The following ABHD3 variants were observed in gnomAD, a reference collection of about 807,000 sequenced individuals.
ABHD3 encodes abhydrolase domain containing 3, phospholipase.
In ABHD3, 46 loss-of-function variants were observed where a neutral mutation model predicts 48.8. The ratio of observed to expected loss-of-function variants is 0.94; its 90% CI spans 0.74 to 1.20. The LOEUF (loss-of-function observed/expected upper bound fraction) is 1.20. Ranked by LOEUF, ABHD3 falls within the 50% of genes most tolerant of loss-of-function variation. The probability of loss-of-function intolerance (pLI) is 0.00; values close to 1 mark genes in which losing one functional copy is unlikely to be tolerated. For missense variants in ABHD3, 490 were observed against 497.8 expected (o/e 0.98, Z 0.15); for synonymous variants, 192 against 183.7 (o/e 1.04, Z -0.36).
intron 3 of ABHD3, among the ~76,000 whole-genome samples, chr18:21,692,064 C>A (rs542254912): frequency 3.7e-4 from 57 of 152,250 alleles, no homozygotes; most frequent in African/African-American, 1.3e-3. Context: ...GTTCTTTTGC[C>A]TTAGCCTCCC....
Position 21,651,185 on chromosome 18 carries a change from T to C in ABHD3, c.*406A>G, listed in dbSNP as rs1435585315. On this transcript the variant is annotated 3_prime_UTR_variant, in exon 9 of 9. Transcript: ENST00000289119. The stretch of plus-strand genomic sequence containing the variant: ...GGAATGTACCACCTTATAACTTACA[T>C]TGAAATAGCCAATATTTCTTAGTAG... 2 of 155,220 alleles carry C rather than the reference T, an allele frequency of 1.3e-5. No homozygotes were observed. Among genetic ancestry groups the C allele is most frequent in the South Asian group, 2.0e-4 (1 of 5,088 alleles). The allele number at this position is 155,220 out of a possible 1,614,324, so 9.6% of individuals were successfully genotyped here.
intron 6 of ABHD3, among the ~76,000 whole-genome samples, chr18:21,658,969 G>A (rs2039419165): frequency 6.6e-6 from 1 of 151,786 alleles, no homozygotes; most frequent in African/African-American, 2.4e-5. Flanking sequence ...CTCCTAAGTA[G>A]CTGGGACTAC....
chr18:21,700,454 A>G (rs2040482125), intron 3 of ABHD3, among the ~76,000 whole-genome samples: 1 of 150,458 alleles, frequency 6.6e-6, no homozygotes, highest in Non-Finnish European at 1.5e-5. Flanking sequence ...GCTGGAGTGC[A>G]ATGGCACAAT....
At position 21,704,747 on chromosome 18, in the gene ABHD3, G is replaced by GGGCGAGAGCGGGCGAGAGCGGGCGAGA. The variant is rs2040603214; in HGVS notation, c.-83_-82insTCTCGCCCGCTCTCGCCCGCTCTCGCC. On this transcript the variant is annotated 5_prime_UTR_variant, in exon 1 of 9. Transcript: ENST00000289119. Reference sequence around the variant, plus strand: ...GGCGAGAGCGGGCGAGAGCGGACGCGGCGCCGCTGCCTACTCCCGACCACA... The same window carrying GGGCGAGAGCGGGCGAGAGCGGGCGAGA: ...GGCGAGAGCGGGCGAGAGCGGACGCGGGCGAGAGCGGGCGAGAGCGGGCGAGAGCGCCGCTGCCTACTCCCGACCACA... 5.2e-5 allele frequency: 66 copies of GGGCGAGAGCGGGCGAGAGCGGGCGAGA among 1,265,110 alleles called. No individual in the cohort carries two copies. In the African/African-American group the frequency reaches 8.3e-4, roughly 16 times the overall value. 78.4% of individuals were successfully genotyped at this position (1,265,110 alleles called of 1,614,324 possible).
chr18:21,677,944 T>C (rs939801433), intron 4 of ABHD3, among the ~76,000 whole-genome samples: 1 of 152,020 alleles, frequency 6.6e-6, no homozygotes, highest in African/African-American at 2.4e-5. Context: ...ATTACAGGTA[T>C]GAGCCACCGT....
chr18:21,686,221 A>C (rs2040126115), intron 3 of ABHD3, among the ~76,000 whole-genome samples: 1 of 152,238 alleles, frequency 6.6e-6, no homozygotes. Context: ...TTTCTTGCTA[A>C]AAACAATGGC....
At chr18:21,675,503 G>A (rs954653765) in intron 4 of ABHD3, among the ~76,000 whole-genome samples, 3 of 151,832 alleles carry the variant, frequency 2.0e-5, no homozygotes, top group Admixed American at 1.3e-4. Flanking sequence ...TCCTGACCTC[G>A]TGATCCACCC....
chr18:21,694,339 C>A (rs1334071031), intron 3 of ABHD3, among the ~76,000 whole-genome samples: 1 of 152,130 alleles, frequency 6.6e-6, no homozygotes, highest in South Asian at 2.1e-4. Flanking sequence ...TCAAGCGATC[C>A]GCCGGCCTTG....
At chr18:21,690,484 C>G (rs919213729) in intron 3 of ABHD3, among the ~76,000 whole-genome samples, 5 of 151,390 alleles carry the variant, frequency 3.3e-5, no homozygotes, top group African/African-American at 4.9e-5. Flanking sequence ...TGCCTGTAAT[C>G]CCAGGTACTC....
At chr18:21,676,531 C>T (rs2039885497) in intron 4 of ABHD3, among the ~76,000 whole-genome samples, 2 of 152,212 alleles carry the variant, frequency 1.3e-5, no homozygotes, top group South Asian at 4.1e-4. Context: ...ACTGGGATTA[C>T]AGGCATGCGC....
At position 21,685,734 on chromosome 18, in the gene ABHD3, A is replaced by G. The variant is rs117858092; in HGVS notation, c.510-1769T>C. 7.1e-3 allele frequency among the ~76,000 whole-genome samples: 1,080 copies of G among 151,896 alleles called. 85 individuals carry two copies. In the East Asian group the frequency reaches 0.17, roughly 24 times the overall value. On this transcript the variant is annotated intron_variant, in intron 3 of 8. Coordinates refer to ENST00000289119, the MANE Select transcript of ABHD3 (RefSeq NM_138340.5). ...TTTTTTTGAGACAGAGTCTCGCTCT[A>G]TCACCCACACTGGAGTGCAGTGACA...
At chr18:21,698,998 A>C (rs548477655) in intron 3 of ABHD3, among the ~76,000 whole-genome samples, 1 of 151,026 alleles carries the variant, frequency 6.6e-6, no homozygotes, top group African/African-American at 2.4e-5. Flanking sequence ...TAGTGGCACG[A>C]TCTCAGCTCA....
chr18:21,663,594 G>T, intron 5 of ABHD3: 1 of 1,354,446 alleles, frequency 7.4e-7, no homozygotes, highest in East Asian at 2.5e-5. Context: ...GGAGTAGGGG[G>T]TTAACAAAAT....
In ABHD3 at chr18:21,657,086, A is replaced by C; in HGVS notation, c.891+18T>G. 6.2e-7 allele frequency: 1 copy of C among 1,613,898 alleles called. No individual in the cohort carries two copies. Among genetic ancestry groups the C allele is most frequent in the South Asian group, 1.1e-5 (1 of 91,084 alleles). On this transcript the variant is annotated intron_variant, in intron 7 of 8. Transcript: ENST00000289119. ...CCAAAAGAAGAAATAAAAGTATTACATAAAGTTTCTCTCCTACCTTCATGA... is the reference window on the plus strand; with the variant it reads ...CCAAAAGAAGAAATAAAAGTATTACCTAAAGTTTCTCTCCTACCTTCATGA...
At chr18:21,697,330 C>G (rs1568163718) in intron 3 of ABHD3, among the ~76,000 whole-genome samples, 1 of 151,924 alleles carries the variant, frequency 6.6e-6, no homozygotes, top group Non-Finnish European at 1.5e-5. Flanking sequence ...ACCTCGGACT[C>G]CCGAAGTGCT....
intron 3 of ABHD3, among the ~76,000 whole-genome samples, chr18:21,696,005 C>A (rs2040361027): frequency 1.3e-5 from 2 of 152,064 alleles, no homozygotes; most frequent in South Asian, 4.2e-4. Context: ...GGGTGGAATA[C>A]AATGGTAAAT....
At chr18:21,677,452 G>A (rs140924467) in intron 4 of ABHD3, among the ~76,000 whole-genome samples, 202 of 150,772 alleles carry the variant, frequency 1.3e-3, no homozygotes, top group African/African-American at 4.0e-3. Flanking sequence ...TGACCCGCCC[G>A]CCTGGGCACT....
chr18:21,685,845 G>C (rs191176823), intron 3 of ABHD3, among the ~76,000 whole-genome samples: 1 of 152,138 alleles, frequency 6.6e-6, no homozygotes, highest in Non-Finnish European at 1.5e-5. Context: ...TAACAGGCAC[G>C]TGCCACCACG....
intron 8 of ABHD3, among the ~76,000 whole-genome samples, chr18:21,652,977 C>T (rs1216440971): frequency 3.7e-5 from 5 of 135,468 alleles, no homozygotes; most frequent in Non-Finnish European, 7.6e-5. Context: ...TGCTTGAACC[C>T]GGGAGGCAGA....
Sources: gnomAD v4.1 joint callset for allele counts (sites outside exome capture counted in the v4.1 genomes callset) on GRCh38, gnomAD v4.1.1 for gene constraint, MANE v1.5 for transcripts, NCBI Gene and HGNC (gene_info 2026-07-23, HGNC 2026-07-21) for gene names.